ALG12: variants seen among roughly 807,000 people sequenced by gnomAD.
ALG12 encodes the protein dol-P-Man:Man(7)GlcNAc(2)-PP-Dol alpha-1,6-mannosyltransferase.
A neutral mutation model predicts 46.0 loss-of-function variants in ALG12; 36 were observed. The ratio of observed to expected loss-of-function variants is 0.78; its 90% CI spans 0.60 to 1.03. The LOEUF (loss-of-function observed/expected upper bound fraction) is 1.03, where lower values mean the gene tolerates loss of function less well. Ranked by LOEUF, ALG12 falls within the 50% of genes least tolerant of loss-of-function variation. The pLI, the probability that ALG12 is intolerant of heterozygous loss-of-function variation, is 0.00. For synonymous variants in ALG12, 326 were observed against 291.6 expected (o/e 1.12, Z -1.20); for missense variants, 599 against 633.5 (o/e 0.95, Z 0.58).
Position 49,901,164 on chromosome 22 carries a change from G to A in ALG12, c.*2674C>T, listed in dbSNP as rs1419086024. ...TCGGGAGGCAATCCACATGTGGCCA[G>A]CGATAAAAGAGAACAAACGAGCGTG... is the stretch of plus-strand genomic sequence containing the variant. On this transcript the variant is annotated 3_prime_UTR_variant, in exon 10 of 10. Coordinates refer to ENST00000330817, the MANE Select transcript of ALG12 (RefSeq NM_024105.4). The A allele has an allele frequency of 6.6e-6, 1 of 152,290 alleles. No individual in the cohort carries two copies. Among genetic ancestry groups the A allele is most frequent in the Admixed American group, 6.5e-5 (1 of 15,288 alleles). 9.4% of individuals were successfully genotyped at this position (152,290 alleles called of 1,614,324 possible). A position where few individuals can be genotyped will look rare whatever the true frequency, so the allele number is the denominator to read the frequency against.
chr22:49,903,517 C>T lies in ALG12; in HGVS notation c.*321G>A, dbSNP rs1366463029. ...CCTGGCAGACAGGTGCCTGGGTGAG[C>T]CCGCTGCTCCTGATTAGTCATGAAT... On this transcript the variant is annotated 3_prime_UTR_variant, in exon 10 of 10. Transcript: ENST00000330817. The T allele has an allele frequency of 7.5e-6, 4 of 533,632 alleles. No homozygotes were observed. The highest frequency in any genetic ancestry group is 2.2e-5 in the Admixed American group (1 of 44,656). The allele number at this position is 533,632 out of a possible 1,614,324, so 33.1% of individuals were successfully genotyped here.
At chr22:49,886,465 C>T in the ALG12 span, 13 of 1,572,298 alleles carry the variant, frequency 8.3e-6, no homozygotes, top group East Asian at 1.1e-4. This position sits in a 1 kb window ranked among gnomAD's most constrained non-coding sequence, Gnocchi z 7.7. Flanking sequence ...GTCCGTGTGC[C>T]GTGCGCTAAA....
downstream of ALG12, among the ~76,000 whole-genome samples, chr22:49,896,717 C>G (rs1221214945): frequency 6.6e-6 from 1 of 152,320 alleles, no homozygotes; most frequent in Middle Eastern, 3.4e-3. Context: ...CTCACTGCAA[C>G]CTCCGCCTCC....
Position 49,905,204 on chromosome 22 carries a change from C to T in ALG12, c.993-698G>A, listed in dbSNP as rs573961292. 6.6e-6 allele frequency among the ~76,000 whole-genome samples: 1 copy of T among 152,316 alleles called. No homozygotes were observed. The highest frequency in any genetic ancestry group is 1.5e-5 in the Non-Finnish European group (1 of 68,042). ...CAGGATCCTACGGCAGAGTTAGCAGCTGCCACAGACAGTGTGGCCCACGAA... is the reference window on the plus strand; with the variant it reads ...CAGGATCCTACGGCAGAGTTAGCAGTTGCCACAGACAGTGTGGCCCACGAA... On this transcript the variant is annotated intron_variant, in intron 7 of 9. Coordinates refer to ENST00000330817, the MANE Select transcript of ALG12 (RefSeq NM_024105.4). This position sits in a 1 kb window ranked among gnomAD's most constrained non-coding sequence, Gnocchi z 4.9.
chr22:49,873,410 G>C, the ALG12 span, among the ~76,000 whole-genome samples: 1 of 152,212 alleles, frequency 6.6e-6, no homozygotes, highest in African/African-American at 2.4e-5. Context: ...ACATTTATCA[G>C]TTAAGTTCAC....
chr22:49,890,892 G>A, the ALG12 span, among the ~76,000 whole-genome samples: 73 of 152,206 alleles, frequency 4.8e-4, no homozygotes, highest in Middle Eastern at 3.4e-3. Context: ...GTGGTGGCAG[G>A]CACCTCTAGT....
At chr22:49,884,205 G>A in the ALG12 span, 25 of 1,606,148 alleles carry the variant, frequency 1.6e-5, no homozygotes, top group African/African-American at 1.1e-4. Flanking sequence ...CCGTGTCCTC[G>A]TTCCCCTCTC....
At chr22:49,874,180 G>A in the ALG12 span, among the ~76,000 whole-genome samples, 3 of 152,142 alleles carry the variant, frequency 2.0e-5, no homozygotes, top group Non-Finnish European at 2.9e-5. Context: ...AGAATATGCC[G>A]AGGGGAAGCA....
chr22:49,872,913 G>A, the ALG12 span, among the ~76,000 whole-genome samples: 13 of 152,214 alleles, frequency 8.5e-5, no homozygotes, highest in South Asian at 1.7e-3. Flanking sequence ...AGCCAGGATG[G>A]TCTCGATCTC....
At chr22:49,904,148 C>A (rs2147579900) in intron 9 of ALG12, 31 bp downstream of exon 9, 2 of 1,614,146 alleles carry the variant, frequency 1.2e-6, no homozygotes, top group East Asian at 4.5e-5. Context: ...CACATGGCCT[C>A]TGGGAGGGCC....
chr22:49,884,901 C>A, the ALG12 span: 1 of 1,602,204 alleles, frequency 6.2e-7, no homozygotes. Flanking sequence ...ACGTGGCGGC[C>A]TTCTCATCTT....
the ALG12 span, among the ~76,000 whole-genome samples, chr22:49,891,013 G>C: frequency 6.7e-6 from 1 of 150,114 alleles, no homozygotes; most frequent in African/African-American, 2.5e-5. Context: ...CTGGGCGACA[G>C]AGCGAGACTC....
chr22:49,879,680 G>C, the ALG12 span, among the ~76,000 whole-genome samples: 2 of 76,480 alleles, frequency 2.6e-5, no homozygotes, highest in African/African-American at 7.7e-5. Flanking sequence ...TCAGTGTCTG[G>C]GCGTGTTTCT....
At chr22:49,885,550 C>A in the ALG12 span, 1 of 1,605,012 alleles carries the variant, frequency 6.2e-7, no homozygotes, top group Non-Finnish European at 8.5e-7. Flanking sequence ...CACCCGGGTG[C>A]CGCGGGGCAC....
At chr22:49,893,369 G>C in the ALG12 span, among the ~76,000 whole-genome samples, 1 of 152,140 alleles carries the variant, frequency 6.6e-6, no homozygotes, top group Admixed American at 6.5e-5. Flanking sequence ...GCACATCATG[G>C]CAAAGTGCTG....
intron 6 of ALG12, 87 bp downstream of exon 6, chr22:49,909,136 CCACGCTGCAGAGAAGGGAGAA>C: frequency 8.3e-7 from 1 of 1,207,262 alleles, no homozygotes. Flanking sequence ...GACCCTGCAG[CCACGCTGCAGAGAAGGGAGAA>C]GCAGCTGCTT....
chr22:49,869,722 C>T, the ALG12 span, among the ~76,000 whole-genome samples: 97,583 of 152,006 alleles, frequency 0.64, 35,591 homozygotes, highest in East Asian at 0.85. Context: ...ACCCTGTGCA[C>T]GCATCCCCAG....
At chr22:49,877,258 A>ATTATTTATTTAT in the ALG12 span, among the ~76,000 whole-genome samples, 13 of 144,738 alleles carry the variant, frequency 9.0e-5, no homozygotes, top group Admixed American at 4.1e-4. Context: ...AAACAGCTTT[A>ATTATTTATTTAT]TTATTTATTT....
the ALG12 span, among the ~76,000 whole-genome samples, chr22:49,882,963 G>T: frequency 6.6e-6 from 1 of 152,210 alleles, no homozygotes; most frequent in Non-Finnish European, 1.5e-5. Context: ...AGGATGAATA[G>T]ATCTCAAGGA....
Sources: gnomAD v4.1 joint callset for allele counts (sites outside exome capture counted in the v4.1 genomes callset) on GRCh38, gnomAD v4.1.1 for gene constraint, Gnocchi (gnomAD v3.1) non-coding constraint, MANE v1.5 for transcripts, NCBI Gene and HGNC (gene_info 2026-07-23, HGNC 2026-07-21) for gene names.